The following CSGALNACT1 variants were observed in gnomAD, a reference collection of about 807,000 sequenced individuals.
The protein encoded by CSGALNACT1 is beta4GalNAcT-1.
Under a neutral mutation model 51.0 loss-of-function variants are expected in CSGALNACT1, and 52 were observed. The ratio of observed to expected loss-of-function variants is 1.02; its 90% CI spans 0.82 to 1.29. CSGALNACT1 has a LOEUF of 1.29. Ranked by LOEUF, CSGALNACT1 falls within the 50% of genes most tolerant of loss-of-function variation. The pLI is 0.00. For synonymous variants in CSGALNACT1, 341 were observed against 254.4 expected, an observed-to-expected ratio of 1.34 and a Z score of -3.24; for missense variants, 935 against 679.2, an observed-to-expected ratio of 1.38 and a Z score of -4.19.
At chr8:19,600,670 GTTTT>G (rs1203529831) in intron 2 of CSGALNACT1, among the ~76,000 whole-genome samples, 1 of 151,678 alleles carries the variant, frequency 6.6e-6, no homozygotes, top group East Asian at 1.9e-4. Context: ...TTCAGCCAAG[GTTTT>G]TTTTATTTTT....
chr8:19,657,947 C>A (rs1363041549), intron 1 of CSGALNACT1, among the ~76,000 whole-genome samples: 1 of 150,064 alleles, frequency 6.7e-6, no homozygotes, highest in Non-Finnish European at 1.5e-5. Flanking sequence ...GCTTGGTGGT[C>A]TAACTAGCTG....
upstream of CSGALNACT1, among the ~76,000 whole-genome samples, chr8:19,605,535 C>T (rs936320051): frequency 2.0e-5 from 3 of 152,186 alleles, no homozygotes; most frequent in African/African-American, 7.2e-5. Flanking sequence ...TTCTCCATAG[C>T]TTGGCACAGA....
intron 1 of CSGALNACT1, among the ~76,000 whole-genome samples, chr8:19,668,594 A>C (rs2059559700): frequency 6.6e-6 from 1 of 152,196 alleles, no homozygotes; most frequent in African/African-American, 2.4e-5. Flanking sequence ...TTGCTCTGTC[A>C]CACAGGTTGG....
At chr8:19,471,206 G>C (rs1563585701) in intron 4 of CSGALNACT1, among the ~76,000 whole-genome samples, 1 of 152,098 alleles carries the variant, frequency 6.6e-6, no homozygotes, top group African/African-American at 2.4e-5. Context: ...GCCTCCAATG[G>C]GCATGCGTAT....
chr8:19,641,534 G>A (rs909710438), intron 1 of CSGALNACT1, among the ~76,000 whole-genome samples: 6 of 152,052 alleles, frequency 3.9e-5, no homozygotes, highest in African/African-American at 1.2e-4. Context: ...ATGTCCACAG[G>A]AGTGGACACG....
At chr8:19,734,022 C>A (rs1348884096) in intron 1 of CSGALNACT1, among the ~76,000 whole-genome samples, 2 of 152,114 alleles carry the variant, frequency 1.3e-5, no homozygotes, top group Non-Finnish European at 2.9e-5. Flanking sequence ...CTGTTCACCC[C>A]CCAACAATGA....
At position 19,583,170 on chromosome 8, in the gene CSGALNACT1, C is replaced by A. The variant is rs192574473; in HGVS notation, c.-297+7990G>T. Among the ~76,000 whole-genome samples, 1,163 of 151,668 alleles carry A rather than the reference C, an allele frequency of 7.7e-3. 9 individuals carry two copies. Among genetic ancestry groups the A allele is most frequent in the Admixed American group, 0.013 (191 of 15,238 alleles). ...TGTATCCAAAAACATAAACCAATAC[C>A]TTTTTTTAAAAAAAAATCCATTATT... On this transcript the variant is annotated intron_variant, in intron 3 of 9. Transcript: ENST00000454498.
chr8:19,604,341 A>C (rs2051040317), upstream of CSGALNACT1, among the ~76,000 whole-genome samples: 1 of 152,216 alleles, frequency 6.6e-6, no homozygotes, highest in African/African-American at 2.4e-5. Context: ...CAGCACATCC[A>C]TAATGTGTCC....
At chr8:19,601,595 G>A (rs375316934) in intron 2 of CSGALNACT1, among the ~76,000 whole-genome samples, 176 bp downstream of exon 2, 2 of 152,184 alleles carry the variant, frequency 1.3e-5, no homozygotes, top group East Asian at 3.9e-4. Flanking sequence ...AGGATTCAAT[G>A]GAGCCAAGTA....
At chr8:19,605,558 C>T (rs1336591786), upstream of CSGALNACT1, among the ~76,000 whole-genome samples, 3 of 152,152 alleles carry the variant, frequency 2.0e-5, no homozygotes, top group South Asian at 2.1e-4. Flanking sequence ...GTGAGGATTC[C>T]GAGTGAGCAT....
At chr8:19,598,881 C>G (rs1346521700) in intron 2 of CSGALNACT1, among the ~76,000 whole-genome samples, 3 of 152,214 alleles carry the variant, frequency 2.0e-5, no homozygotes, top group Non-Finnish European at 4.4e-5. Context: ...CTTTTCCATT[C>G]ATTCACTCGC....
intron 4 of CSGALNACT1, among the ~76,000 whole-genome samples, chr8:19,473,524 T>TG (rs2068696148): frequency 6.6e-6 from 1 of 152,182 alleles, no homozygotes; most frequent in Admixed American, 6.5e-5. Context: ...GGTACAGACT[T>TG]GCAGCCTAAC....
Position 19,690,057 on chromosome 8 carries a change from G to C in CSGALNACT1, c.-297+67793C>G, listed in dbSNP as rs538945976. Among the ~76,000 whole-genome samples, 24 of 152,202 alleles carry C rather than the reference G, an allele frequency of 1.6e-4. No individual in the cohort carries two copies. The South Asian group carries it at 5.0e-3, about 32-fold the overall frequency. On this transcript the variant is annotated intron_variant, in intron 1 of 1. Transcript: ENST00000517494. The stretch of plus-strand genomic sequence containing the variant: ...AACTAAATGTGTTGAATTTTAACAG[G>C]ACTCAACAAATAAAACACTATATTG...
At position 19,563,264 on chromosome 8, in the gene CSGALNACT1, A is replaced by G. The variant is rs151044149; in HGVS notation, c.-297+27896T>C. ...GACACAGGGAGGGGAACGACACACA[A>G]TCGGGTCTGTCAGGAGGGTCAGGGG... On this transcript the variant is annotated intron_variant, in intron 3 of 9. Transcript: ENST00000454498. 4.5e-3 allele frequency among the ~76,000 whole-genome samples: 680 copies of G among 152,166 alleles called. 5 individuals carry two copies. The highest frequency in any genetic ancestry group is 7.6e-3 in the Non-Finnish European group (520 of 68,006).
At position 19,456,697 on chromosome 8, in the gene CSGALNACT1, A is replaced by G. The variant is rs1037072693; in HGVS notation, c.851+1729T>C. On this transcript the variant is annotated intron_variant, in intron 5 of 9. Transcript: ENST00000454498. ...GAGGAACACTGCAAACAATTATGCG[A>G]TCATGCACAAAGGAGTATTCTACAA... 2.6e-5 allele frequency among the ~76,000 whole-genome samples: 4 copies of G among 152,252 alleles called. No homozygotes were observed. In the East Asian group the frequency reaches 5.8e-4, roughly 22 times the overall value.
intron 5 of CSGALNACT1, among the ~76,000 whole-genome samples, chr8:19,451,325 C>T (rs978895232): frequency 2.4e-4 from 37 of 152,310 alleles, no homozygotes; most frequent in Middle Eastern, 6.8e-3. Flanking sequence ...GTCCCAATTT[C>T]TAGGTGGACC....
At chr8:19,600,654 T>C (rs1017316577) in intron 2 of CSGALNACT1, among the ~76,000 whole-genome samples, 1 of 152,204 alleles carries the variant, frequency 6.6e-6, no homozygotes, top group Admixed American at 6.5e-5. Flanking sequence ...GTTTGTATTA[T>C]TAACTTTCAG....
intron 1 of CSGALNACT1, among the ~76,000 whole-genome samples, chr8:19,637,547 G>C (rs960928725): frequency 6.6e-6 from 1 of 152,138 alleles, no homozygotes; most frequent in Admixed American, 6.5e-5. Context: ...AATGTTAGCC[G>C]AACAGTTATG....
chr8:19,569,964 A>T (rs566132069), intron 3 of CSGALNACT1, among the ~76,000 whole-genome samples: 1 of 152,324 alleles, frequency 6.6e-6, no homozygotes, highest in East Asian at 1.9e-4. Flanking sequence ...ATACTCTATG[A>T]TGCTATTTGT....
Sources: gnomAD v4.1 joint callset for allele counts (sites outside exome capture counted in the v4.1 genomes callset) on GRCh38, gnomAD v4.1.1 for gene constraint, MANE v1.5 for transcripts, NCBI Gene and HGNC (gene_info 2026-07-23, HGNC 2026-07-21) for gene names.